Variants in NDUFA10 observed in about 807,000 individuals in gnomAD.
NDUFA10 encodes NADH dehydrogenase [ubiquinone] 1 alpha subcomplex subunit 10, mitochondrial.
Under a neutral mutation model 47.8 loss-of-function variants are expected in NDUFA10, and 40 were observed. The ratio of observed to expected loss-of-function variants is 0.84; its 90% confidence interval spans 0.65 to 1.09. The LOEUF (loss-of-function observed/expected upper bound fraction) is 1.09. NDUFA10 is among the 50% of genes least tolerant of loss of function. The probability of loss-of-function intolerance (pLI) is 0.00; values close to 1 mark genes in which losing one functional copy is unlikely to be tolerated. For synonymous variants in NDUFA10, 183 were observed against 172.2 expected (o/e 1.06, Z -0.49); for missense variants, 413 against 451.1 (o/e 0.92, Z 0.76).
intron 5 of NDUFA10, 50 bp from the exon 6 acceptor site, chr2:240,011,746 CTT>C: frequency 6.8e-7 from 1 of 1,462,740 alleles, no homozygotes. Context: ...AGTTCATTCT[CTT>C]TGACCTGTGC....
At chr2:239,911,422 A>G (rs28412675) in intron 4 of NDUFA10, among the ~76,000 whole-genome samples, 27,455 of 152,054 alleles carry the variant, frequency 0.18, 2,914 homozygotes, top group African/African-American at 0.29. Flanking sequence ...GGGCATGCAC[A>G]TTCATCTAAC....
intron 4 of NDUFA10, among the ~76,000 whole-genome samples, chr2:239,944,293 G>A (rs1349360219): frequency 6.6e-6 from 1 of 152,220 alleles, no homozygotes; most frequent in Non-Finnish European, 1.5e-5. Context: ...CAAAGTCCCC[G>A]GGGGCAGAGC....
At position 239,959,987 on chromosome 2, in the gene NDUFA10, C is replaced by G; in HGVS notation, c.*1131G>C. On this transcript the variant is annotated 3_prime_UTR_variant, in exon 10 of 10. Transcript: ENST00000252711. Reference sequence around the variant, plus strand: ...CTGCACCAGCACTGGAACTACTGCCCACAGGCGGCTGTGGAGTGCCTGAAC... The same window carrying G: ...CTGCACCAGCACTGGAACTACTGCCGACAGGCGGCTGTGGAGTGCCTGAAC... The G allele has an allele frequency of 1.0e-6, 1 of 985,450 alleles. No individual in the cohort carries two copies. The highest frequency in any genetic ancestry group is 1.2e-6 in the Non-Finnish European group (1 of 829,916). The allele number at this position is 985,450 out of a possible 1,614,324, so 61.0% of individuals were successfully genotyped here. A position where few individuals can be genotyped will look rare whatever the true frequency, so the allele number is the denominator to read the frequency against.
chr2:239,898,082 C>T (rs376177846), intron 4 of NDUFA10, among the ~76,000 whole-genome samples: 51 of 152,268 alleles, frequency 3.3e-4, no homozygotes, highest in East Asian at 9.7e-4. Context: ...AGGAACCAAC[C>T]GGGGCCCAGC....
Position 240,022,526 on chromosome 2 carries a change from G to A in NDUFA10, c.76-186C>T, listed in dbSNP as rs112843114. On this transcript the variant is annotated intron_variant, in intron 1 of 9. Transcript: ENST00000252711. ...CCACCACTCTGTCCATGTAAGTTTC[G>A]TTAAAGGCAGATATACTGTCTGTTT... Among the ~76,000 whole-genome samples, 75 of 151,340 alleles carry A rather than the reference G, an allele frequency of 5.0e-4. 1 individual carries two copies. In the South Asian group the frequency reaches 7.3e-3, roughly 15 times the overall value.
chr2:239,893,228 A>G (rs554230239), intron 5 of NDUFA10, among the ~76,000 whole-genome samples: 17 of 152,308 alleles, frequency 1.1e-4, no homozygotes, highest in Non-Finnish European at 2.5e-4. Flanking sequence ...GGTACACGGC[A>G]GAGAACACAG....
intron 4 of NDUFA10, among the ~76,000 whole-genome samples, chr2:239,942,730 T>A (rs11684044): frequency 2.7e-4 from 41 of 152,172 alleles, no homozygotes; most frequent in Middle Eastern, 3.4e-3. Flanking sequence ...TGTGGGACGT[T>A]TGCCTGTCAC....
At chr2:240,011,967 G>A in intron 5 of NDUFA10, 1 of 447,764 alleles carries the variant, frequency 2.2e-6, no homozygotes, top group Non-Finnish European at 4.2e-6. Context: ...CAAGAAAGAT[G>A]CCTGTTACGA....
Position 239,959,613 on chromosome 2 carries a change from TA to T in NDUFA10, c.*1504del. On this transcript the variant is annotated 3_prime_UTR_variant, in exon 10 of 10. Coordinates refer to ENST00000252711, the MANE Select transcript of NDUFA10 (RefSeq NM_004544.4). ...CTGGGAAACTTTATTTTCAAATTCT[TA>T]AAACAAGGAAGGAGGCAGGGAGGAA... is the stretch of plus-strand genomic sequence containing the variant. 1.0e-6 allele frequency: 1 copy of T among 985,870 alleles called. No homozygotes were observed. The highest frequency in any genetic ancestry group is 1.7e-5 in the African/African-American group (1 of 57,212). 61.1% of individuals were successfully genotyped at this position (985,870 alleles called of 1,614,324 possible). A position where few individuals can be genotyped will look rare whatever the true frequency, so the allele number is the denominator to read the frequency against.
At position 239,906,550 on chromosome 2, in the gene NDUFA10, T is replaced by A. The variant is rs1693659079; in HGVS notation, c.295-11236A>T. Among the ~76,000 whole-genome samples, 2 of 152,170 alleles carry A rather than the reference T, an allele frequency of 1.3e-5. No homozygotes were observed. Among genetic ancestry groups the A allele is most frequent in the African/African-American group, 4.8e-5 (2 of 41,444 alleles). ...GCAGGACAACATGAAGAGGACCTGT[T>A]GCTAAAACACAGAGGACAGCCCAAG... On this transcript the variant is annotated intron_variant, in intron 4 of 5. Coordinates refer to the NDUFA10 transcript ENST00000419408. The surrounding 1 kb of genome is among the most constrained non-coding windows in gnomAD (Gnocchi z 4.3).
rs1466969614 is a variant in NDUFA10 at position 240,005,227 on chromosome 2, T to C, written c.873A>G (p.Leu291=). 1 of 1,613,866 alleles carries C rather than the reference T, an allele frequency of 6.2e-7. No individual in the cohort carries two copies. Among genetic ancestry groups the C allele is most frequent in the Non-Finnish European group, 8.5e-7 (1 of 1,179,870 alleles). ...GCACTTACAGTAATCGCAGGTGGTA[T>C]AAAGTGCGATTGTCCTGCTTGAGCC... The part of the protein sequence containing the change: ...GPWLKQDNRT[L]YHLRLLVQDK... Residue 291 remains leucine (L), a synonymous_variant, in exon 8 of 10, where the codon TTA becomes TTG. Transcript: ENST00000252711.
chr2:240,019,986 G>C (rs941184916), intron 3 of NDUFA10, among the ~76,000 whole-genome samples: 18 of 152,170 alleles, frequency 1.2e-4, no homozygotes, highest in Non-Finnish European at 2.6e-4. Context: ...ACCAAGATCA[G>C]GGTTTACGTT....
chr2:239,924,592 T>C (rs1241911145), intron 4 of NDUFA10, among the ~76,000 whole-genome samples: 1 of 151,864 alleles, frequency 6.6e-6, no homozygotes, highest in Non-Finnish European at 1.5e-5. Context: ...AAAAAAGAAA[T>C]CACAGCTAAC....
chr2:240,022,268 T>G lies in NDUFA10; in HGVS notation c.148A>C (p.Ser50Arg), dbSNP rs1272354796. The change falls in exon 2 of 10, where the codon AGC (serine) becomes CGC (arginine). Residue 50 changes from serine (S) to arginine (R), a missense_variant. By Grantham distance (110) the Ser-to-Arg change is moderately radical. Coordinates refer to ENST00000252711, the MANE Select transcript of NDUFA10 (RefSeq NM_004544.4). The part of the protein sequence containing the change: ...MWHFLLGDKA[S>R]KRLTERSRVI... ...CTGCTGCGTTCTGTCAGTCTTTTGC[T>G]TGCTTTATCCCCAAGTAGGAAATGC... The G allele has an allele frequency of 1.2e-6, 2 of 1,614,144 alleles. No individual in the cohort carries two copies. Among genetic ancestry groups the G allele is most frequent in the Non-Finnish European group, 1.7e-6 (2 of 1,180,038 alleles).
chr2:240,019,600 C>T (rs1416762022), intron 3 of NDUFA10, among the ~76,000 whole-genome samples: 1 of 28,090 alleles, frequency 3.6e-5, no homozygotes, highest in African/African-American at 1.3e-4. Flanking sequence ...GGGCGGATCA[C>T]GAGGTCAGGA....
At position 239,913,424 on chromosome 2, in the gene NDUFA10, T is replaced by C. The variant is rs372431387; in HGVS notation, c.295-18110A>G. Among the ~76,000 whole-genome samples, 9 of 152,350 alleles carry C rather than the reference T, an allele frequency of 5.9e-5. No homozygotes were observed. In the South Asian group the frequency reaches 1.9e-3, roughly 32 times the overall value. On this transcript the variant is annotated intron_variant, in intron 4 of 5. Transcript: ENST00000419408. ...TCTGCCACGATGGGCGGGCTGGCCT[T>C]GTGGTCACGTGGTGAACCTTGGCCA...
At chr2:240,021,124 G>T in intron 3 of NDUFA10, 73 bp downstream of exon 3, 1 of 1,290,892 alleles carries the variant, frequency 7.7e-7, no homozygotes, top group Non-Finnish European at 1.1e-6. Context: ...CGACTCAGTG[G>T]CAATTTAACG....
At chr2:239,979,912 G>A (rs1036462326) in intron 9 of NDUFA10, among the ~76,000 whole-genome samples, 7 of 151,990 alleles carry the variant, frequency 4.6e-5, no homozygotes, top group Non-Finnish European at 8.8e-5. Flanking sequence ...TCACCATGAC[G>A]GGCTCTTCTC....
chr2:239,914,154 C>G (rs1364257085), intron 4 of NDUFA10, among the ~76,000 whole-genome samples: 1 of 151,958 alleles, frequency 6.6e-6, no homozygotes. Flanking sequence ...CAGAGATACA[C>G]AGAGATACAC....
Sources: allele counts gnomAD v4.1 joint callset (sites outside exome capture counted in the v4.1 genomes callset), GRCh38; gene constraint gnomAD v4.1.1; non-coding constraint Gnocchi (gnomAD v3.1); transcripts MANE v1.5; gene names NCBI Gene and HGNC (gene_info 2026-07-23, HGNC 2026-07-21).